Variants in MCTP1 observed in about 807,000 individuals in gnomAD.
The protein encoded by MCTP1 is multiple C2 and transmembrane domain-containing protein 1.
A neutral mutation model predicts 120.6 loss-of-function variants in MCTP1; 69 were observed. That is an observed-to-expected ratio of 0.57 (90% CI 0.47 to 0.70). MCTP1 has a LOEUF of 0.70. Ranked by LOEUF, MCTP1 falls within the 30% of genes least tolerant of loss-of-function variation. The pLI, the probability that MCTP1 is intolerant of heterozygous loss-of-function variation, is 0.00. For synonymous variants in MCTP1, 529 were observed against 493.1 expected, an observed-to-expected ratio of 1.07 and a Z score of -0.96; for missense variants, 1,203 against 1,248.8, an observed-to-expected ratio of 0.96 and a Z score of 0.55.
chr5:95,135,865 C>G (rs1357438446), intron 1 of MCTP1, among the ~76,000 whole-genome samples: 1 of 152,166 alleles, frequency 6.6e-6, no homozygotes. Flanking sequence ...GTTCAATAAA[C>G]TGAAAACAAC....
At chr5:95,225,744 T>G (rs1355502990) in intron 1 of MCTP1, among the ~76,000 whole-genome samples, 2 of 152,152 alleles carry the variant, frequency 1.3e-5, no homozygotes, top group African/African-American at 4.8e-5. Context: ...TGGGTTTTCC[T>G]TTGTGTCTAA....
At chr5:94,841,934 C>A (rs1207701355) in intron 17 of MCTP1, among the ~76,000 whole-genome samples, 1 of 152,128 alleles carries the variant, frequency 6.6e-6, no homozygotes, top group South Asian at 2.1e-4. Context: ...AGGAAAAACA[C>A]CCCCAAGGAG....
At chr5:94,765,829 G>A (rs1300726593) in intron 19 of MCTP1, among the ~76,000 whole-genome samples, 1 of 149,800 alleles carries the variant, frequency 6.7e-6, no homozygotes, top group Admixed American at 6.6e-5. Context: ...TAGCCAAGAG[G>A]GGGAAAAAAA....
chr5:95,020,806 C>A (rs932234245), intron 1 of MCTP1, among the ~76,000 whole-genome samples: 5 of 151,896 alleles, frequency 3.3e-5, no homozygotes, highest in Non-Finnish European at 2.9e-5. Context: ...TTTCTTAGTT[C>A]TCACCTGGAA....
intron 7 of MCTP1, among the ~76,000 whole-genome samples, chr5:94,919,796 GGAT>G (rs1167437105): frequency 6.6e-6 from 1 of 152,312 alleles, no homozygotes; most frequent in East Asian, 1.9e-4. Flanking sequence ...AATTGCACCT[GGAT>G]GATGAAGTCC....
chr5:94,851,599 T>C (rs983598832), intron 17 of MCTP1, among the ~76,000 whole-genome samples: 1 of 152,104 alleles, frequency 6.6e-6, no homozygotes, highest in Non-Finnish European at 1.5e-5. Flanking sequence ...GAAAGAATAC[T>C]ATTCTTCTAC....
At chr5:94,936,476 C>T (rs1428424506) in intron 5 of MCTP1, among the ~76,000 whole-genome samples, 1 of 152,002 alleles carries the variant, frequency 6.6e-6, no homozygotes. Context: ...ACATACATTG[C>T]TTGTTGGAGA....
chr5:94,870,280 G>A (rs1034150112), intron 16 of MCTP1, 137 bp downstream of exon 16: 20 of 583,424 alleles, frequency 3.4e-5, no homozygotes, highest in Middle Eastern at 4.6e-4. Context: ...GAAAGAAAGC[G>A]CCATTTTCAA....
chr5:94,904,076 T>G, intron 10 of MCTP1, among the ~76,000 whole-genome samples: 1 of 152,232 alleles, frequency 6.6e-6, no homozygotes, highest in East Asian at 1.9e-4. Flanking sequence ...ACATGCAGAT[T>G]AACATTATTT....
intron 6 of MCTP1, among the ~76,000 whole-genome samples, chr5:94,929,302 T>C (rs979443732): frequency 4.6e-5 from 7 of 152,184 alleles, no homozygotes; most frequent in African/African-American, 1.4e-4. Context: ...CTATTCACCA[T>C]TGACACTCAA....
chr5:95,181,626 C>T (rs1748609415), intron 1 of MCTP1, among the ~76,000 whole-genome samples: 1 of 152,042 alleles, frequency 6.6e-6, no homozygotes. Flanking sequence ...GAGAGACAAT[C>T]CTCACTTAGC....
rs192961393 is a variant in MCTP1, at chr5:94,903,317, C to T, written c.1652+5934G>A. Among the ~76,000 whole-genome samples the T allele has an allele frequency of 6.5e-3, 996 of 152,286 alleles. 2 individuals carry two copies. The highest frequency in any genetic ancestry group is 0.01 in the Middle Eastern group (3 of 294). On this transcript the variant is annotated intron_variant, in intron 10 of 22. Transcript: ENST00000515393. ...TAGTTTTGGTGTCACAGATAAAAAA[C>T]ATTCCAAATCAGAATCTATGGAGTG...
At chr5:94,791,260 T>C (rs1778889704) in intron 18 of MCTP1, among the ~76,000 whole-genome samples, 1 of 151,730 alleles carries the variant, frequency 6.6e-6, no homozygotes, top group African/African-American at 2.4e-5. Flanking sequence ...ATCACACCAC[T>C]GCACTCCAGC....
At chr5:95,003,631 T>C (rs946801291) in intron 2 of MCTP1, among the ~76,000 whole-genome samples, 1 of 152,176 alleles carries the variant, frequency 6.6e-6, no homozygotes, top group Non-Finnish European at 1.5e-5. Flanking sequence ...AAGAAGAGAA[T>C]ACAGTAGGTC....
At chr5:95,185,984 C>T (rs1293663562) in intron 1 of MCTP1, among the ~76,000 whole-genome samples, 3 of 151,786 alleles carry the variant, frequency 2.0e-5, no homozygotes, top group Non-Finnish European at 1.5e-5. Context: ...AGAGAGACTC[C>T]ATCTCAAAAA....
intron 1 of MCTP1, among the ~76,000 whole-genome samples, chr5:95,213,211 C>T (rs1467709530): frequency 6.6e-6 from 1 of 152,142 alleles, no homozygotes; most frequent in East Asian, 1.9e-4. Flanking sequence ...CATTGTTATA[C>T]ACCAGTAACA....
intron 19 of MCTP1, among the ~76,000 whole-genome samples, chr5:94,757,534 G>A (rs1770217605): frequency 6.6e-6 from 1 of 152,184 alleles, no homozygotes; most frequent in South Asian, 2.1e-4. Context: ...GAAGAAGACA[G>A]GTTTAGAGCG....
intron 19 of MCTP1, among the ~76,000 whole-genome samples, chr5:94,745,635 T>A (rs1336846956): frequency 1.3e-5 from 2 of 152,208 alleles, no homozygotes; most frequent in African/African-American, 4.8e-5. Context: ...ATCATTATAT[T>A]TATTTCTAGT....
At position 94,786,858 on chromosome 5, in the gene MCTP1, T is replaced by C. The variant is rs75352200; in HGVS notation, c.2557-7695A>G. On this transcript the variant is annotated intron_variant, in intron 18 of 22. Transcript: ENST00000515393. ...TCATCAGTCCATTAAATATTAAAAT[T>C]ATGTTTCTGATGCAATCGAGAACAA... 5.0e-3 allele frequency among the ~76,000 whole-genome samples: 756 copies of C among 152,344 alleles called. 3 individuals carry two copies. The highest frequency in any genetic ancestry group is 0.018 in the African/African-American group (745 of 41,578).
Sources: gnomAD v4.1 joint callset for allele counts (sites outside exome capture counted in the v4.1 genomes callset) on GRCh38, gnomAD v4.1.1 for gene constraint, MANE v1.5 for transcripts, NCBI Gene and HGNC (gene_info 2026-07-23, HGNC 2026-07-21) for gene names.